SCHIP1: variants seen among roughly 807,000 people sequenced by gnomAD.
The protein encoded by SCHIP1 is schwannomin interacting protein 1.
Under a neutral mutation model 29.7 loss-of-function variants are expected in SCHIP1, and 8 were observed. The ratio of observed to expected loss-of-function variants is 0.27; its 90% CI spans 0.16 to 0.49. The LOEUF is 0.49. Ranked by LOEUF, SCHIP1 falls within the 20% of genes least tolerant of loss-of-function variation. SCHIP1 has a pLI of 0.99. For missense variants in SCHIP1, 193 were observed against 294.6 expected, an observed-to-expected ratio of 0.66 and a Z score of 2.52; for synonymous variants, 76 against 94.9, an observed-to-expected ratio of 0.80 and a Z score of 1.16.
chr3:159,495,278 A>T, the SCHIP1 span, among the ~76,000 whole-genome samples: 10 of 152,228 alleles, frequency 6.6e-5, no homozygotes, highest in Non-Finnish European at 1.5e-4. Flanking sequence ...AGGAGAAGGA[A>T]ATAAAGGACA....
the SCHIP1 span, among the ~76,000 whole-genome samples, chr3:159,739,520 C>G: frequency 3.9e-5 from 6 of 152,274 alleles, no homozygotes; most frequent in African/African-American, 9.6e-5. Context: ...CCCATGAAAC[C>G]TCTATTCTAT....
the SCHIP1 span, among the ~76,000 whole-genome samples, chr3:159,755,051 C>T: frequency 6.6e-6 from 1 of 152,202 alleles, no homozygotes; most frequent in African/African-American, 2.4e-5. Context: ...CTGGCTAACA[C>T]AGTGAAACCC....
At chr3:159,706,202 T>C in the SCHIP1 span, among the ~76,000 whole-genome samples, 2 of 152,176 alleles carry the variant, frequency 1.3e-5, no homozygotes, top group African/African-American at 4.8e-5. Context: ...AACATTCACC[T>C]GTATCTCAAG....
At chr3:159,358,946 T>TG in the SCHIP1 span, among the ~76,000 whole-genome samples, 1 of 134,052 alleles carries the variant, frequency 7.5e-6, no homozygotes, top group African/African-American at 3.5e-5. Context: ...TTTTTTTTTT[T>TG]GAGACAGAGT....
intron 1 of SCHIP1, among the ~76,000 whole-genome samples, chr3:159,850,950 A>G (rs1304042839): frequency 6.6e-6 from 1 of 152,130 alleles, no homozygotes. Context: ...GAGCTCTACT[A>G]GATTTGTCTG....
At chr3:159,828,792 G>A in the SCHIP1 span, among the ~76,000 whole-genome samples, 1 of 152,186 alleles carries the variant, frequency 6.6e-6, no homozygotes, top group East Asian at 1.9e-4. Flanking sequence ...TGGTAGGCAA[G>A]GCTATCTGTG....
the SCHIP1 span, among the ~76,000 whole-genome samples, chr3:159,488,457 A>G: frequency 2.0e-5 from 3 of 152,182 alleles, no homozygotes; most frequent in Admixed American, 2.0e-4. Context: ...AAATATATAC[A>G]TCTATTATAT....
chr3:159,447,090 T>C, the SCHIP1 span, among the ~76,000 whole-genome samples: 2 of 152,172 alleles, frequency 1.3e-5, no homozygotes, highest in African/African-American at 4.8e-5. Context: ...TTGACAATTA[T>C]GTACTGACTC....
At chr3:159,625,547 C>G in the SCHIP1 span, among the ~76,000 whole-genome samples, 1 of 152,032 alleles carries the variant, frequency 6.6e-6, no homozygotes, top group Non-Finnish European at 1.5e-5. Flanking sequence ...CTCTTTATTT[C>G]CCTCCTACCT....
chr3:159,618,041 G>T, the SCHIP1 span, among the ~76,000 whole-genome samples: 1 of 152,250 alleles, frequency 6.6e-6, no homozygotes, highest in East Asian at 1.9e-4. Context: ...ATCACAAAAA[G>T]TTGTGAACTC....
the SCHIP1 span, among the ~76,000 whole-genome samples, chr3:159,506,780 C>T: frequency 6.6e-5 from 10 of 152,064 alleles, no homozygotes; most frequent in East Asian, 3.9e-4. Context: ...TAGTTGTAGA[C>T]GTGTGGTATT....
chr3:159,747,764 T>C, the SCHIP1 span, among the ~76,000 whole-genome samples: 3 of 152,302 alleles, frequency 2.0e-5, no homozygotes, highest in Non-Finnish European at 2.9e-5. Flanking sequence ...TATTCAGTGA[T>C]ATGTTGAAAT....
chr3:159,822,526 G>A, the SCHIP1 span, among the ~76,000 whole-genome samples: 1 of 151,584 alleles, frequency 6.6e-6, no homozygotes, highest in Non-Finnish European at 1.5e-5. Flanking sequence ...ATGGGAGCAG[G>A]TATAATTGAG....
chr3:159,363,906 T>G, the SCHIP1 span, among the ~76,000 whole-genome samples: 1 of 152,224 alleles, frequency 6.6e-6, no homozygotes, highest in African/African-American at 2.4e-5. Flanking sequence ...AATCAGAATA[T>G]ATCTGAATTC....
At chr3:159,648,401 A>G in the SCHIP1 span, among the ~76,000 whole-genome samples, 1 of 152,130 alleles carries the variant, frequency 6.6e-6, no homozygotes, top group African/African-American at 2.4e-5. Context: ...TTCCAACTCT[A>G]AATCTTAGTT....
the SCHIP1 span, among the ~76,000 whole-genome samples, chr3:159,825,757 TCC>T: frequency 6.6e-6 from 1 of 151,528 alleles, no homozygotes; most frequent in Non-Finnish European, 1.5e-5. Context: ...ACGTTACAAA[TCC>T]CACAAATTAG....
the SCHIP1 span, among the ~76,000 whole-genome samples, chr3:159,535,443 GC>G: frequency 6.6e-6 from 1 of 152,200 alleles, no homozygotes; most frequent in Non-Finnish European, 1.5e-5. Context: ...CTGAGCATCA[GC>G]CTTGAGGGCT....
rs2109218910 is a variant in SCHIP1, at chr3:159,861,996, T to C, written c.31-4167T>C. Among the ~76,000 whole-genome samples the C allele has an allele frequency of 6.6e-6, 1 of 152,316 alleles. No individual in the cohort carries two copies. The highest frequency in any genetic ancestry group is 6.5e-5 in the Admixed American group (1 of 15,306). On this transcript the variant is annotated intron_variant, in intron 1 of 6. Transcript: ENST00000445224. The surrounding 1 kb of genome is among the most constrained non-coding windows in gnomAD (Gnocchi z 4.1). The stretch of plus-strand genomic sequence containing the variant: ...ACCACACACACATATATTTTACACA[T>C]GTGGGCAACTGAAAGAAAATTGGGT...
At chr3:159,723,042 C>T in the SCHIP1 span, among the ~76,000 whole-genome samples, 1 of 152,152 alleles carries the variant, frequency 6.6e-6, no homozygotes, top group African/African-American at 2.4e-5. Flanking sequence ...GTGCTCAGTG[C>T]TTCCAGGAGC....
Sources: gnomAD v4.1 joint callset for allele counts (sites outside exome capture counted in the v4.1 genomes callset) on GRCh38, gnomAD v4.1.1 for gene constraint, Gnocchi (gnomAD v3.1) non-coding constraint, MANE v1.5 for transcripts, NCBI Gene and HGNC (gene_info 2026-07-23, HGNC 2026-07-21) for gene names.